PTPRD: variants seen among roughly 807,000 people sequenced by gnomAD.
PTPRD encodes protein tyrosine phosphatase receptor type D.
In PTPRD, 34 loss-of-function variants were observed where a neutral mutation model predicts 214.5. The observed-to-expected ratio is 0.16, with a 90% CI of 0.12 to 0.21. The LOEUF (loss-of-function observed/expected upper bound fraction) is 0.21, where lower values mean the gene tolerates loss of function less well. Ranked by LOEUF, PTPRD falls within the 10% of genes least tolerant of loss-of-function variation. The probability of loss-of-function intolerance (pLI) is 1.00; values close to 1 mark genes in which losing one functional copy is unlikely to be tolerated. For missense variants in PTPRD, 2,545 were observed against 2,398.7 expected, an observed-to-expected ratio of 1.06 and a Z score of -1.27; for synonymous variants, 1,128 against 845.7, an observed-to-expected ratio of 1.33 and a Z score of -5.79.
chr9:9,652,422 G>A (rs1416643146), intron 7 of PTPRD, among the ~76,000 whole-genome samples: 3 of 152,090 alleles, frequency 2.0e-5, no homozygotes, highest in Non-Finnish European at 2.9e-5. Context: ...TGAAACGTAG[G>A]AACTTGTAGT....
intron 5 of PTPRD, among the ~76,000 whole-genome samples, chr9:9,900,175 C>T (rs190303180): frequency 1.3e-5 from 2 of 152,302 alleles, no homozygotes; most frequent in African/African-American, 4.8e-5. Context: ...CATGCCCAGG[C>T]TGCAGAATTT....
Position 9,320,565 on chromosome 9 carries a change from C to T in PTPRD, c.-203+76884G>A, listed in dbSNP as rs184784940. The stretch of plus-strand genomic sequence containing the variant: ...TGTAGTACACACCAGTCCTTTACAC[C>T]GACTCTCTGAGGAAAACTACCCTTC... On this transcript the variant is annotated intron_variant, in intron 9 of 45. Coordinates refer to ENST00000381196, the MANE Select transcript of PTPRD (RefSeq NM_002839.4). Among the ~76,000 whole-genome samples, 138 of 152,184 alleles carry T rather than the reference C, an allele frequency of 9.1e-4. 1 individual carries two copies. Among genetic ancestry groups the T allele is most frequent in the Admixed American group, 2.0e-4 (3 of 15,278 alleles).
intron 14 of PTPRD, among the ~76,000 whole-genome samples, chr9:8,581,489 C>T (rs1221735932): frequency 3.3e-5 from 5 of 152,192 alleles, no homozygotes; most frequent in Non-Finnish European, 7.3e-5. Context: ...TGGCTCACGC[C>T]TGTAATCCCA....
chr9:10,348,815 C>G (rs1201764772), intron 2 of PTPRD, among the ~76,000 whole-genome samples: 2 of 152,138 alleles, frequency 1.3e-5, no homozygotes, highest in Admixed American at 6.5e-5. Context: ...GTCACGCAAG[C>G]CTGCCTGCTA....
intron 9 of PTPRD, among the ~76,000 whole-genome samples, chr9:9,356,174 T>TAGGGAGAGTGAATC (rs569992108): frequency 1.3e-5 from 2 of 151,276 alleles, no homozygotes; most frequent in Non-Finnish European, 3.0e-5. Flanking sequence ...AACCAAGGAA[T>TAGGGAGAGTGAATC]AGGGAGAGTG....
intron 5 of PTPRD, among the ~76,000 whole-genome samples, chr9:9,897,384 A>C (rs1220800664): frequency 2.0e-5 from 3 of 152,084 alleles, no homozygotes; most frequent in Admixed American, 2.0e-4. Context: ...TTAAAAGAAA[A>C]ATATTTATTA....
intron 8 of PTPRD, among the ~76,000 whole-genome samples, chr9:9,414,279 A>G (rs951360660): frequency 2.0e-5 from 3 of 152,252 alleles, no homozygotes; most frequent in Non-Finnish European, 1.5e-5. Context: ...AGCTTAAATT[A>G]ACCTCTCACT....
At chr9:9,433,757 C>T (rs1237288192) in intron 8 of PTPRD, among the ~76,000 whole-genome samples, 4 of 152,118 alleles carry the variant, frequency 2.6e-5, no homozygotes, top group Non-Finnish European at 5.9e-5. Context: ...TAGCATGCCA[C>T]TTTAATTTTA....
chr9:9,384,098 T>C (rs984674275), intron 9 of PTPRD, among the ~76,000 whole-genome samples: 2 of 151,162 alleles, frequency 1.3e-5, no homozygotes, highest in African/African-American at 4.9e-5. Flanking sequence ...GAAGGGACAT[T>C]AAAAACTTTT....
chr9:10,108,441 G>T (rs1201069805), intron 3 of PTPRD, among the ~76,000 whole-genome samples: 1 of 151,550 alleles, frequency 6.6e-6, no homozygotes, highest in Non-Finnish European at 1.5e-5. Flanking sequence ...CTGAAATTTT[G>T]TATTTTTTTT....
At chr9:10,466,140 A>G (rs1160117843) in intron 2 of PTPRD, among the ~76,000 whole-genome samples, 1 of 152,082 alleles carries the variant, frequency 6.6e-6, no homozygotes, top group Non-Finnish European at 1.5e-5. Context: ...ATTTGTTTCT[A>G]TCCTCCAACA....
At chr9:10,323,166 C>T (rs1305570350) in intron 3 of PTPRD, among the ~76,000 whole-genome samples, 4 of 150,160 alleles carry the variant, frequency 2.7e-5, no homozygotes, top group Admixed American at 2.0e-4. Context: ...TTCTCTTTTT[C>T]TTTCTCTCTT....
chr9:8,526,500 A>T, intron 17 of PTPRD, 127 bp downstream of exon 17: 1 of 682,628 alleles, frequency 1.5e-6, no homozygotes, highest in Non-Finnish European at 2.3e-6. Flanking sequence ...ACCAAACAGT[A>T]CAAAGAAAAA....
At chr9:10,567,560 C>T (rs949189283) in intron 2 of PTPRD, among the ~76,000 whole-genome samples, 2 of 152,032 alleles carry the variant, frequency 1.3e-5, no homozygotes, top group Non-Finnish European at 2.9e-5. Context: ...TAGCCCTACC[C>T]TTTTGTTTTT....
intron 11 of PTPRD, among the ~76,000 whole-genome samples, chr9:8,847,720 A>C (rs1416543273): frequency 6.7e-6 from 1 of 149,318 alleles, no homozygotes; most frequent in Non-Finnish European, 1.5e-5. Context: ...CTTACAGACA[A>C]GGAGAAGAGG....
chr9:9,814,058 T>C (rs1447008981), intron 5 of PTPRD, among the ~76,000 whole-genome samples: 1 of 152,124 alleles, frequency 6.6e-6, no homozygotes, highest in Non-Finnish European at 1.5e-5. Flanking sequence ...TCACATGATC[T>C]CAATAGATGC....
At chr9:10,215,423 G>C (rs975237091) in intron 3 of PTPRD, among the ~76,000 whole-genome samples, 3 of 152,082 alleles carry the variant, frequency 2.0e-5, no homozygotes, top group Non-Finnish European at 2.9e-5. Flanking sequence ...AGTATTCTTA[G>C]ATATCAGGGG....
At chr9:10,586,500 T>A (rs2073928016) in intron 2 of PTPRD, among the ~76,000 whole-genome samples, 1 of 152,066 alleles carries the variant, frequency 6.6e-6, no homozygotes, top group Non-Finnish European at 1.5e-5. Context: ...TGCATGGAAA[T>A]TCTCTATATA....
In PTPRD at chr9:8,319,966, G is replaced by A. The variant is rs748716978; in HGVS notation, c.5535C>T (p.Ser1845=). 3.8e-5 allele frequency: 61 copies of A among 1,611,124 alleles called. No individual in the cohort carries two copies. The Middle Eastern group carries it at 5.0e-4, about 13-fold the overall frequency. ...AGACTCCAGTTCTTCCAACGCCCGC[G>A]CTGCCACAATAACAAAGGCGATGTT... The part of the protein sequence containing the change: ...GQDGPISVHC[S]AGVGRTGVFI... The change falls in exon 45 of 46, where the codon AGC becomes AGT. Residue 1845 remains serine, a splice_region_variant and synonymous_variant. Transcript: ENST00000381196.
Sources: gnomAD v4.1 joint callset for allele counts (sites outside exome capture counted in the v4.1 genomes callset) on GRCh38, gnomAD v4.1.1 for gene constraint, MANE v1.5 for transcripts, NCBI Gene and HGNC (gene_info 2026-07-23, HGNC 2026-07-21) for gene names.